Variants in LPO observed in about 807,000 individuals in gnomAD.
LPO encodes the protein lactoperoxidase, also known as salivary peroxidase.
A neutral mutation model predicts 68.4 loss-of-function variants in LPO; 70 were observed. The ratio of observed to expected loss-of-function variants is 1.02; its 90% CI spans 0.84 to 1.25. The LOEUF (loss-of-function observed/expected upper bound fraction) is 1.25. Among genes scored for constraint, LPO ranks in the 50% most tolerant of loss-of-function variants. The pLI, the probability that LPO is intolerant of heterozygous loss-of-function variation, is 0.00. For synonymous variants in LPO, 360 were observed against 357.6 expected, an observed-to-expected ratio of 1.01 and a Z score of -0.08; for missense variants, 873 against 908.4, an observed-to-expected ratio of 0.96 and a Z score of 0.50.
chr17:58,257,466 C>A (rs1448762161), intron 9 of LPO, among the ~76,000 whole-genome samples: 10 of 152,312 alleles, frequency 6.6e-5, no homozygotes, highest in African/African-American at 2.2e-4. Flanking sequence ...TTACAATTGA[C>A]TAGATTTCAT....
At chr17:58,264,599 A>C in intron 9 of LPO, 123 bp from the exon 10 acceptor site, 1 of 912,392 alleles carries the variant, frequency 1.1e-6, no homozygotes, top group Non-Finnish European at 1.7e-6. Flanking sequence ...CACATATGCT[A>C]TCCATTTGCC....
At chr17:58,240,356 G>T (rs1390095311) in intron 1 of LPO, among the ~76,000 whole-genome samples, 1 of 152,160 alleles carries the variant, frequency 6.6e-6, no homozygotes, top group East Asian at 1.9e-4. Context: ...CTTGGGAAAT[G>T]GTTTCTGCAC....
At chr17:58,254,767 G>T in intron 8 of LPO, 44 bp from the exon 9 acceptor site, 1 of 1,605,744 alleles carries the variant, frequency 6.2e-7, no homozygotes, top group Non-Finnish European at 8.5e-7. Flanking sequence ...CTGGGTCCTG[G>T]GGCTGTTAGG....
intron 4 of LPO, among the ~76,000 whole-genome samples, chr17:58,248,810 A>G (rs1215960030): frequency 1.3e-5 from 2 of 152,154 alleles, no homozygotes; most frequent in Admixed American, 1.3e-4. Context: ...GGACATTCCC[A>G]GTTACTCTGT....
In LPO at chr17:58,242,994, C is replaced by T. The variant is rs1335528561; in HGVS notation, c.15C>T (p.Leu5=). Residue 5 remains leucine, a synonymous_variant, in exon 2 of 13, where the codon CTC becomes CTT. Transcript: ENST00000262290. Reference sequence around the variant, plus strand: ...TCGTTTCAGTGATGAGGGTCCTTCTCCATCTCCCAGCCCTCCTGGCTTCCC... The same window carrying T: ...TCGTTTCAGTGATGAGGGTCCTTCTTCATCTCCCAGCCCTCCTGGCTTCCC... MRVL[L]HLPALLASLI... 3.1e-6 allele frequency: 5 copies of T among 1,614,100 alleles called. No individual in the cohort carries two copies. Among genetic ancestry groups the T allele is most frequent in the East Asian group, 2.2e-5 (1 of 44,888 alleles).
intron 3 of LPO, 78 bp downstream of exon 3, chr17:58,244,159 A>G (rs1969812416): frequency 1.6e-6 from 2 of 1,253,556 alleles, no homozygotes; most frequent in African/African-American, 1.5e-5. Flanking sequence ...CCTGTTCATG[A>G]CAAGCACATC....
rs774216877 is a variant in LPO, at chr17:58,247,504, C to A, written c.191C>A (p.Thr64Asn). The change falls in exon 4 of 13, where the codon ACT becomes AAT. Residue 64 changes from threonine (T) to asparagine (N), a missense_variant. Physicochemically the swap from Thr to Asn is moderately conservative, Grantham distance 65 (BLOSUM62 0). Coordinates refer to ENST00000262290, the MANE Select transcript of LPO (RefSeq NM_006151.3). ...CTGAAGACCGCCATGAGCTCTGAGACTCCCACCAGCCGACAGCTCTCAGAA... is the reference window on the plus strand; with the variant it reads ...CTGAAGACCGCCATGAGCTCTGAGAATCCCACCAGCCGACAGCTCTCAGAA... ...TRLKTAMSSETPTSRQLSEYL... is the reference protein window; with the variant it reads ...TRLKTAMSSENPTSRQLSEYL... 1.7e-5 allele frequency: 27 copies of A among 1,613,782 alleles called. No homozygotes were observed. The South Asian group carries it at 2.2e-4, about 13-fold the overall frequency.
At chr17:58,252,534 C>A in intron 8 of LPO, 28 bp downstream of exon 8, 1 of 1,594,092 alleles carries the variant, frequency 6.3e-7, no homozygotes. Context: ...ACAGAAGGGC[C>A]CAAGGACAAG....
chr17:58,240,466 G>A (rs976941308), intron 1 of LPO, among the ~76,000 whole-genome samples: 2 of 152,198 alleles, frequency 1.3e-5, no homozygotes, highest in African/African-American at 2.4e-5. Context: ...GCCCTGTGTG[G>A]TTCTGGCTGA....
intron 1 of LPO, among the ~76,000 whole-genome samples, chr17:58,240,338 T>C (rs1702854529): frequency 6.6e-6 from 1 of 152,160 alleles, no homozygotes; most frequent in South Asian, 2.1e-4. Context: ...TTGCTGCAAA[T>C]CAAAGGGCTT....
chr17:58,261,476 A>G (rs1008490895), intron 9 of LPO, among the ~76,000 whole-genome samples: 4 of 151,906 alleles, frequency 2.6e-5, no homozygotes, highest in African/African-American at 9.7e-5. Context: ...TATTCCATCA[A>G]TTTCAACCTA....
chr17:58,242,588 T>C (rs1266969242), intron 1 of LPO, among the ~76,000 whole-genome samples: 1 of 152,164 alleles, frequency 6.6e-6, no homozygotes, highest in Non-Finnish European at 1.5e-5. Context: ...GTACAGCATC[T>C]CCCGACCACA....
At chr17:58,251,774 G>C (rs1428821645) in intron 7 of LPO, 1 of 491,206 alleles carries the variant, frequency 2.0e-6, no homozygotes, top group Non-Finnish European at 4.1e-6. Flanking sequence ...GTTTTTTTGA[G>C]GACTGAGATG....
chr17:58,258,100 C>A (rs1482073159), intron 9 of LPO, among the ~76,000 whole-genome samples: 1 of 152,082 alleles, frequency 6.6e-6, no homozygotes, highest in Non-Finnish European at 1.5e-5. Context: ...GTTATCTCTT[C>A]ACTTTGTTGA....
chr17:58,267,941 T>C lies in LPO; in HGVS notation c.2086T>C (p.Cys696Arg), dbSNP rs1384970237. The C allele has an allele frequency of 6.2e-7, 1 of 1,614,148 alleles. No homozygotes were observed. The highest frequency in any genetic ancestry group is 8.5e-7 in the Non-Finnish European group (1 of 1,180,022). ...ANSYPYDFVDCSAIDKLDLSP... is the reference protein window; with the variant it reads ...ANSYPYDFVDRSAIDKLDLSP... The stretch of plus-strand genomic sequence containing the variant: ...CAGCTACCCCTATGACTTCGTGGAT[T>C]GCTCAGCCATCGACAAGCTGGACCT... Residue 696 changes from cysteine (C) to arginine (R), a missense_variant, in exon 13 of 13, where the codon TGC (cysteine) becomes CGC (arginine). Cys to Arg is a radical substitution (Grantham distance 180). Transcript: ENST00000262290.
In LPO at chr17:58,249,691, C is replaced by A; in HGVS notation, c.569C>A (p.Pro190Gln). The change falls in exon 6 of 13, where the codon CCG becomes CAG. Residue 190 changes from proline (P) to glutamine (Q), a missense_variant. Physicochemically the swap from Pro to Gln is moderately conservative, Grantham distance 76. Coordinates refer to ENST00000262290, the MANE Select transcript of LPO (RefSeq NM_006151.3). ...AAGACGCGCAACGGCTTCCCTCTCC[C>A]GCTGGTGAGGGCAGGCCGGGCCGGG... The part of the protein sequence containing the change: ...PGKTRNGFPL[P>Q]LAREVSNKIV... 6.4e-7 allele frequency: 1 copy of A among 1,568,858 alleles called. No individual in the cohort carries two copies.
At chr17:58,250,827 T>C in intron 7 of LPO, 1 of 585,326 alleles carries the variant, frequency 1.7e-6, no homozygotes, top group Admixed American at 2.9e-5. Context: ...CACTAAGCGC[T>C]GAGGATTCCA....
chr17:58,257,281 C>T (rs1341760976), intron 9 of LPO, among the ~76,000 whole-genome samples: 2 of 152,126 alleles, frequency 1.3e-5, no homozygotes, highest in African/African-American at 2.4e-5. Context: ...CTCCGCCCCC[C>T]ACAGCCCCTC....
intron 5 of LPO, 148 bp downstream of exon 5, chr17:58,249,325 C>T: frequency 2.3e-6 from 2 of 874,258 alleles, no homozygotes; most frequent in Non-Finnish European, 3.4e-6. Flanking sequence ...TTCTCAAGAT[C>T]GCGCGTCTCC....
Sources: allele counts gnomAD v4.1 joint callset (sites outside exome capture counted in the v4.1 genomes callset), GRCh38; gene constraint gnomAD v4.1.1; transcripts MANE v1.5; gene names NCBI Gene and HGNC (gene_info 2026-07-23, HGNC 2026-07-21).